CANX: variants seen among roughly 807,000 people sequenced by gnomAD.
The protein encoded by CANX is calnexin, also known as epididymis secretory sperm binding protein.
In CANX, 14 loss-of-function variants were observed where a neutral mutation model predicts 75.7. That is an observed-to-expected ratio of 0.19 (90% CI 0.12 to 0.29). The LOEUF (loss-of-function observed/expected upper bound fraction) is 0.29. Among genes scored for constraint, CANX ranks in the 10% least tolerant of loss-of-function variants. The pLI is 1.00. For missense variants in CANX, 567 were observed against 713.2 expected (o/e 0.79, Z 2.34); for synonymous variants, 227 against 236.9 (o/e 0.96, Z 0.38).
intron 7 of CANX, 112 bp downstream of exon 7, chr5:179,710,177 C>G: frequency 3.1e-6 from 2 of 641,186 alleles, no homozygotes. Context: ...AATCCCAGCA[C>G]TTTGGGAGGC....
Position 179,706,210 on chromosome 5 carries a change from A to C in CANX, c.172-48A>C, listed in dbSNP as rs1349827112. 8 of 1,026,590 alleles carry C rather than the reference A, an allele frequency of 7.8e-6. No homozygotes were observed. In the Admixed American group the frequency reaches 1.4e-4, roughly 18 times the overall value. 63.6% of individuals were successfully genotyped at this position (1,026,590 alleles called of 1,614,324 possible). ...GAGAATAGATTCTAGATAAAAAGGC[A>C]TGTTGCTGAAAATTTAAATTTTTAA... is the stretch of plus-strand genomic sequence containing the variant. On this transcript the variant is annotated intron_variant, in intron 2 of 14. Transcript: ENST00000247461.
chr5:179,688,216 C>T (rs1006932425), intron 1 of CANX, among the ~76,000 whole-genome samples: 1 of 151,028 alleles, frequency 6.6e-6, no homozygotes, highest in South Asian at 2.1e-4. Context: ...CGCCACCACA[C>T]CCAGCTAATT....
At chr5:179,688,587 T>G (rs1776236809) in intron 1 of CANX, among the ~76,000 whole-genome samples, 1 of 150,812 alleles carries the variant, frequency 6.6e-6, no homozygotes, top group Non-Finnish European at 1.5e-5. Flanking sequence ...ATGGTCTCGA[T>G]CTCCTGACCT....
At chr5:179,701,984 GC>G (rs1241191165) in intron 1 of CANX, among the ~76,000 whole-genome samples, 3 of 150,942 alleles carry the variant, frequency 2.0e-5, no homozygotes, top group Admixed American at 1.3e-4. Flanking sequence ...CAGGCAGTCC[GC>G]CCACCTCGGC....
At chr5:179,685,091 C>A (rs1355526903) in intron 1 of CANX, among the ~76,000 whole-genome samples, 1 of 149,896 alleles carries the variant, frequency 6.7e-6, no homozygotes, top group Admixed American at 6.7e-5. Context: ...ATAAATCTAT[C>A]TATTTATTTA....
Position 179,716,255 on chromosome 5 carries a change from C to T in CANX, c.872C>T (p.Pro291Leu). 6.2e-7 allele frequency: 1 copy of T among 1,613,922 alleles called. No homozygotes were observed. The highest frequency in any genetic ancestry group is 8.5e-7 in the Non-Finnish European group (1 of 1,179,928). ...DRKPEDWDER[P>L]KIPDPEAVKP... The stretch of plus-strand genomic sequence containing the variant: ...AAGCCCGAGGATTGGGATGAAAGAC[C>T]AAAAATCCCAGATCCAGAAGCTGTC... Residue 291 changes from proline to leucine, a missense_variant, in exon 8 of 15, where the codon CCA (proline) becomes CTA (leucine). This residue lies in a region of CANX where 351 missense variants were observed against 433.8 expected (regional missense o/e 0.81). Transcript: ENST00000247461.
chr5:179,709,070 C>A lies in CANX; in HGVS notation c.528+11C>A. The A allele has an allele frequency of 6.7e-7, 1 of 1,497,820 alleles. No individual in the cohort carries two copies. The highest frequency in any genetic ancestry group is 9.3e-7 in the Non-Finnish European group (1 of 1,073,840). 92.8% of individuals were successfully genotyped at this position (1,497,820 alleles called of 1,614,324 possible). ...CCAGAACTCAACCTGGTATGTAATT[C>A]CCATTTCTGGAATGTGGCTGGACAC... On this transcript the variant is annotated intron_variant, in intron 6 of 14. Transcript: ENST00000247461.
intron 1 of CANX, among the ~76,000 whole-genome samples, chr5:179,705,126 C>CA (rs1473772284): frequency 3.3e-5 from 5 of 152,128 alleles, no homozygotes; most frequent in African/African-American, 1.2e-4. Flanking sequence ...GCTGAGACTA[C>CA]AGGCGCCCGC....
At chr5:179,728,413 T>C (rs1444207283) in intron 14 of CANX, among the ~76,000 whole-genome samples, 178 bp from the exon 15 acceptor site, 1 of 152,140 alleles carries the variant, frequency 6.6e-6, no homozygotes, top group Non-Finnish European at 1.5e-5. Flanking sequence ...TGAATTAGAG[T>C]AGGCATAATT....
intron 12 of CANX, among the ~76,000 whole-genome samples, 179 bp from the exon 13 acceptor site, chr5:179,724,478 C>T (rs1329972842): frequency 6.6e-6 from 1 of 152,144 alleles, no homozygotes; most frequent in Non-Finnish European, 1.5e-5. Flanking sequence ...AACACACAAG[C>T]ACATGTGCAT....
intron 1 of CANX, among the ~76,000 whole-genome samples, chr5:179,703,061 G>A (rs996058188): frequency 6.6e-6 from 1 of 151,154 alleles, no homozygotes; most frequent in Non-Finnish European, 1.5e-5. Context: ...GAGCCACCAC[G>A]CCCAGCCTGC....
chr5:179,680,440 C>T (rs545986820), intron 1 of CANX, among the ~76,000 whole-genome samples: 1 of 152,092 alleles, frequency 6.6e-6, no homozygotes, highest in Non-Finnish European at 1.5e-5. Flanking sequence ...CTGAAACAGC[C>T]TCTGCCTGCC....
At chr5:179,716,676 T>C (rs6889133) in intron 8 of CANX, among the ~76,000 whole-genome samples, 2,041 of 152,324 alleles carry the variant, frequency 0.013, 37 homozygotes, top group African/African-American at 0.044. Context: ...CAACAGTCAA[T>C]TCTCTGCTGT....
chr5:179,691,913 G>A (rs1776305064), intron 1 of CANX, among the ~76,000 whole-genome samples: 2 of 151,726 alleles, frequency 1.3e-5, no homozygotes, highest in Non-Finnish European at 2.9e-5. Context: ...GAGTAGCTGG[G>A]ACTACAGGCA....
In CANX at chr5:179,716,260, A is replaced by C. The variant is rs1256933838; in HGVS notation, c.877A>C (p.Ile293Leu). 1 of 1,614,028 alleles carries C rather than the reference A, an allele frequency of 6.2e-7. No individual in the cohort carries two copies. The highest frequency in any genetic ancestry group is 8.5e-7 in the Non-Finnish European group (1 of 1,179,998). ...KPEDWDERPK[I>L]PDPEAVKPDD... Reference sequence around the variant, plus strand: ...CGAGGATTGGGATGAAAGACCAAAAATCCCAGATCCAGAAGCTGTCAAGCC... The same window carrying C: ...CGAGGATTGGGATGAAAGACCAAAACTCCCAGATCCAGAAGCTGTCAAGCC... The change falls in exon 8 of 15, where the codon ATC becomes CTC. Residue 293 changes from isoleucine (I) to leucine (L), a missense_variant. Transcript: ENST00000247461.
chr5:179,712,797 T>G (rs1777665009), intron 7 of CANX, among the ~76,000 whole-genome samples: 1 of 149,508 alleles, frequency 6.7e-6, no homozygotes, highest in Non-Finnish European at 1.5e-5. Context: ...GATCTTGGCC[T>G]ACTGTGACGT....
rs781629512 is a variant in CANX at position 179,684,924 on chromosome 5, G to GTTTTTTTT, written c.-4+6148_-4+6149insTTTTTTTT. Among the ~76,000 whole-genome samples, 31 of 28,986 alleles carry GTTTTTTTT rather than the reference G, an allele frequency of 1.1e-3. 2 individuals carry two copies. Among genetic ancestry groups the GTTTTTTTT allele is most frequent in the Non-Finnish European group, 1.6e-3 (23 of 14,734 alleles). The allele number at this position is 28,986 out of a possible 152,430, so 19.0% of individuals were successfully genotyped here. A position where few individuals can be genotyped will look rare whatever the true frequency, so the allele number is the denominator to read the frequency against. On this transcript the variant is annotated intron_variant, in intron 1 of 14. Coordinates refer to the CANX transcript ENST00000681674. ...TGTGCCACCACACCTGGCTAATTTT[G>GTTTTTTTT]TATTTTTTTTTTTTTTTTTTTTTTT...
intron 13 of CANX, 60 bp downstream of exon 13, chr5:179,724,843 T>G: frequency 6.5e-7 from 1 of 1,538,236 alleles, no homozygotes; most frequent in Non-Finnish European, 8.8e-7. Context: ...TTGTTAAACC[T>G]TTACAGTCAA....
In CANX at chr5:179,709,005, A is replaced by G; in HGVS notation, c.474A>G (p.Ile158Met). Residue 158 changes from isoleucine (I) to methionine (M), a missense_variant, in exon 6 of 15, where the codon ATA (isoleucine) becomes ATG (methionine). Transcript: ENST00000247461. Reference protein sequence around the residue: ...VQYEVNFQNGIECGGAYVKLL... With the variant: ...VQYEVNFQNGMECGGAYVKLL... ...ATGAGGTTAATTTCCAAAATGGAATAGAATGTGGTGGTGCCTATGTGAAAC... is the reference window on the plus strand; with the variant it reads ...ATGAGGTTAATTTCCAAAATGGAATGGAATGTGGTGGTGCCTATGTGAAAC... 1 of 1,599,486 alleles carries G rather than the reference A, an allele frequency of 6.3e-7. No homozygotes were observed. The highest frequency in any genetic ancestry group is 8.6e-7 in the Non-Finnish European group (1 of 1,166,614).
Sources: allele counts gnomAD v4.1 joint callset (sites outside exome capture counted in the v4.1 genomes callset), GRCh38; gene constraint gnomAD v4.1.1; regional missense constraint gnomAD v4.1.1; transcripts MANE v1.5; gene names NCBI Gene and HGNC (gene_info 2026-07-23, HGNC 2026-07-21).